The following ABTB2 variants were observed in gnomAD, a reference collection of about 807,000 sequenced individuals.
The protein encoded by ABTB2 is ankyrin repeat and BTB domain containing 2.
Under a neutral mutation model 104.1 loss-of-function variants are expected in ABTB2, and 56 were observed. The observed-to-expected ratio is 0.54, with a 90% CI of 0.43 to 0.67. ABTB2 has a LOEUF of 0.67. Ranked by LOEUF, ABTB2 falls within the 30% of genes least tolerant of loss-of-function variation. The probability of loss-of-function intolerance (pLI) is 0.00; values close to 1 mark genes in which losing one functional copy is unlikely to be tolerated. For synonymous variants in ABTB2, 606 were observed against 608.2 expected (o/e 1.00, Z 0.05); for missense variants, 1,279 against 1,407.7 (o/e 0.91, Z 1.46).
At chr11:34,202,068 T>G (rs770287241) in intron 2 of ABTB2, among the ~76,000 whole-genome samples, 1 of 152,202 alleles carries the variant, frequency 6.6e-6, no homozygotes, top group Non-Finnish European at 1.5e-5. Flanking sequence ...GGAGATAAAG[T>G]TTCCAATCTC....
chr11:34,181,314 G>A (rs1043323967), intron 3 of ABTB2, among the ~76,000 whole-genome samples: 4 of 152,164 alleles, frequency 2.6e-5, no homozygotes, highest in African/African-American at 4.8e-5. Context: ...TGGGATTACA[G>A]TCCTATAAGT....
chr11:34,296,007 C>A (rs1412244920), intron 1 of ABTB2, among the ~76,000 whole-genome samples: 2 of 152,284 alleles, frequency 1.3e-5, no homozygotes, highest in Non-Finnish European at 2.9e-5. Context: ...TGATGTGCAC[C>A]TGTAGTCCCA....
chr11:34,151,719 G>T lies in ABTB2; in HGVS notation c.*668C>A, dbSNP rs1852541565. ...CTGCCCTCTGCTGCTAACTGAGCAA[G>T]CTGGTAGTCCTGATGGGAGGGACTC... is the stretch of plus-strand genomic sequence containing the variant. On this transcript the variant is annotated 3_prime_UTR_variant, in exon 17 of 17. Transcript: ENST00000435224. 2 of 152,558 alleles carry T rather than the reference G, an allele frequency of 1.3e-5. No individual in the cohort carries two copies. The allele number at this position is 152,558 out of a possible 1,614,324, so 9.5% of individuals were successfully genotyped here. A position where few individuals can be genotyped will look rare whatever the true frequency, so the allele number is the denominator to read the frequency against.
chr11:34,306,815 T>C (rs938937737), intron 1 of ABTB2, among the ~76,000 whole-genome samples: 1 of 151,606 alleles, frequency 6.6e-6, no homozygotes, highest in South Asian at 2.1e-4. Context: ...CAAATATTAC[T>C]TTATAGAATT....
At chr11:34,213,064 G>T (rs913192252) in intron 1 of ABTB2, among the ~76,000 whole-genome samples, 2 of 152,178 alleles carry the variant, frequency 1.3e-5, no homozygotes, top group Non-Finnish European at 2.9e-5. Flanking sequence ...CCTGCTGGGG[G>T]TGCACCTGCT....
chr11:34,216,441 C>T (rs956917178), intron 1 of ABTB2, among the ~76,000 whole-genome samples: 2 of 152,128 alleles, frequency 1.3e-5, no homozygotes, highest in Admixed American at 1.3e-4. Flanking sequence ...TTCTGATTGG[C>T]TTCCTTTACT....
At chr11:34,318,691 TA>T (rs1854968558) in intron 1 of ABTB2, among the ~76,000 whole-genome samples, 1 of 152,202 alleles carries the variant, frequency 6.6e-6, no homozygotes, top group South Asian at 2.1e-4. Flanking sequence ...AGCCAGTAAG[TA>T]CAGAGTCCAA....
At chr11:34,240,661 C>T (rs952777674) in intron 1 of ABTB2, among the ~76,000 whole-genome samples, 3 of 151,766 alleles carry the variant, frequency 2.0e-5, no homozygotes, top group Non-Finnish European at 4.4e-5. Context: ...GGTGTGATCT[C>T]GGCTCACTGC....
chr11:34,225,138 T>C (rs1383238950), intron 1 of ABTB2, among the ~76,000 whole-genome samples: 1 of 152,188 alleles, frequency 6.6e-6, no homozygotes, highest in Non-Finnish European at 1.5e-5. Flanking sequence ...GGAAAAGCAA[T>C]GTATTCATGA....
chr11:34,260,799 T>C (rs1854179841), intron 1 of ABTB2, among the ~76,000 whole-genome samples: 1 of 152,180 alleles, frequency 6.6e-6, no homozygotes, highest in African/African-American at 2.4e-5. Flanking sequence ...AAACTGAGAC[T>C]CCATTTCCAT....
intron 14 of ABTB2, among the ~76,000 whole-genome samples, chr11:34,158,002 G>A (rs1413453694): frequency 6.6e-6 from 1 of 152,192 alleles, no homozygotes; most frequent in Non-Finnish European, 1.5e-5. Flanking sequence ...TACCAAGAGG[G>A]GATAATAACA....
At chr11:34,162,844 C>A (rs779521490) in intron 9 of ABTB2, 39 bp from the exon 10 acceptor site, 5 of 1,551,640 alleles carry the variant, frequency 3.2e-6, no homozygotes, top group Non-Finnish European at 3.5e-6. Context: ...GGGCTGAAGT[C>A]CCACAGGCAG....
intron 1 of ABTB2, among the ~76,000 whole-genome samples, chr11:34,312,190 C>T (rs917601946): frequency 1.3e-5 from 2 of 151,382 alleles, no homozygotes; most frequent in South Asian, 2.1e-4. Context: ...GCCAATGGAA[C>T]AAGCAGGTGG....
intron 1 of ABTB2, among the ~76,000 whole-genome samples, chr11:34,257,247 C>A (rs1331738403): frequency 6.6e-6 from 1 of 152,076 alleles, no homozygotes; most frequent in Non-Finnish European, 1.5e-5. Flanking sequence ...GAAAATGAAC[C>A]CAAGAGCCAC....
intron 1 of ABTB2, among the ~76,000 whole-genome samples, chr11:34,332,440 C>T (rs546899383): frequency 6.6e-6 from 1 of 152,312 alleles, no homozygotes; most frequent in South Asian, 2.1e-4. Context: ...AATGTAACCC[C>T]CACACTCACA....
intron 1 of ABTB2, among the ~76,000 whole-genome samples, chr11:34,251,654 T>C (rs957784531): frequency 2.0e-5 from 3 of 152,200 alleles, no homozygotes; most frequent in African/African-American, 7.2e-5. Context: ...TCCTGAACTT[T>C]TTTTTATTTG....
chr11:34,284,916 C>T (rs946620962), intron 1 of ABTB2, among the ~76,000 whole-genome samples: 3 of 152,152 alleles, frequency 2.0e-5, no homozygotes, highest in African/African-American at 7.2e-5. Flanking sequence ...TCATCACTGA[C>T]ACTCAGACTG....
At chr11:34,349,639 T>C (rs1294166397) in intron 1 of ABTB2, among the ~76,000 whole-genome samples, 1 of 152,182 alleles carries the variant, frequency 6.6e-6, no homozygotes, top group Non-Finnish European at 1.5e-5. Context: ...CTCACAACCA[T>C]CCTATGAGTT....
intron 3 of ABTB2, among the ~76,000 whole-genome samples, chr11:34,177,321 C>T (rs1305198841): frequency 1.3e-5 from 2 of 152,208 alleles, no homozygotes; most frequent in Non-Finnish European, 2.9e-5. Flanking sequence ...GGTGGGTATA[C>T]ACTGGACTCA....
Sources: gnomAD v4.1 joint callset for allele counts (sites outside exome capture counted in the v4.1 genomes callset) on GRCh38, gnomAD v4.1.1 for gene constraint, MANE v1.5 for transcripts, NCBI Gene and HGNC (gene_info 2026-07-23, HGNC 2026-07-21) for gene names.